The following DIDO1 variants were observed in gnomAD, a reference collection of about 807,000 sequenced individuals.
The protein encoded by DIDO1 is death-inducer obliterator 1.
Under a neutral mutation model 99.4 loss-of-function variants are expected in DIDO1, and 16 were observed. The ratio of observed to expected loss-of-function variants is 0.16; its 90% confidence interval spans 0.11 to 0.24. DIDO1 has a LOEUF of 0.24. Among genes scored for constraint, DIDO1 ranks in the 10% least tolerant of loss-of-function variants. The pLI is 1.00. For missense variants in DIDO1, 2,996 were observed against 3,014.0 expected (o/e 0.99, Z 0.14); for synonymous variants, 1,366 against 1,239.1 (o/e 1.10, Z -2.15).
chr20:62,887,976 G>A, intron 15 of DIDO1: 1 of 985,518 alleles, frequency 1.0e-6, no homozygotes, highest in Non-Finnish European at 1.2e-6. Flanking sequence ...AGATATGCAA[G>A]GACAAATGTC....
In DIDO1 at chr20:62,896,780, G is replaced by C; in HGVS notation, c.1805C>G (p.Ala602Gly). ...GTIPKRPWLS[A>G]TPSSGASAAR... ...AGCTGAAGCACCACTCGATGGGGTA[G>C]CGGAGAGCCATGGCCTCTTGGGGAT... is the stretch of plus-strand genomic sequence containing the variant. Residue 602 changes from alanine to glycine, a missense_variant, in exon 7 of 16, where the codon GCT becomes GGT. By Grantham distance (60) the Ala-to-Gly change is moderately conservative. Transcript: ENST00000395343. The surrounding 1 kb of genome is among the most constrained non-coding windows in gnomAD (Gnocchi z 4.4). 1 of 1,614,108 alleles carries C rather than the reference G, an allele frequency of 6.2e-7. No individual in the cohort carries two copies.
chr20:62,931,493 C>T (rs754227810), upstream of DIDO1, among the ~76,000 whole-genome samples: 11 of 152,260 alleles, frequency 7.2e-5, no homozygotes, highest in East Asian at 1.2e-3. Context: ...GCCAAAAAAA[C>T]GCTTGGACAG....
chr20:62,922,627 C>T (rs1377531149), intron 1 of DIDO1, among the ~76,000 whole-genome samples: 3 of 152,182 alleles, frequency 2.0e-5, no homozygotes, highest in African/African-American at 7.2e-5. Context: ...AACGACCTCA[C>T]AGCTTCCTAC....
chr20:62,883,858 A>T (rs2064252814), intron 15 of DIDO1, among the ~76,000 whole-genome samples: 2 of 151,922 alleles, frequency 1.3e-5, no homozygotes. Context: ...AACAAAAATT[A>T]GCCAGGCGTG....
In DIDO1 at chr20:62,882,022, A is replaced by C; in HGVS notation, c.3934T>G (p.Ser1312Ala). The change falls in exon 16 of 16, where the codon TCA becomes GCA. Residue 1312 changes from serine to alanine, a missense_variant. Physicochemically the swap from Ser to Ala is moderately conservative, Grantham distance 99. Around this residue, in one of 5 missense-constraint regions of DIDO1, gnomAD observed 1,562 missense variants for 1,412.6 expected, o/e 1.11. Transcript: ENST00000395343. ...STASSASKTA[S>A]PLEHILQTLF... ...GTCTGCAGGATGTGCTCCAGCGGTGATGCTGTTTTGGAAGCAGACGAAGCG... is the reference window on the plus strand; with the variant it reads ...GTCTGCAGGATGTGCTCCAGCGGTGCTGCTGTTTTGGAAGCAGACGAAGCG... 1 of 1,613,500 alleles carries C rather than the reference A, an allele frequency of 6.2e-7. No homozygotes were observed. Among genetic ancestry groups the C allele is most frequent in the Non-Finnish European group, 8.5e-7 (1 of 1,180,022 alleles).
chr20:62,887,452 A>G, intron 15 of DIDO1: 27 of 985,498 alleles, frequency 2.7e-5, no homozygotes, highest in Non-Finnish European at 3.3e-5. Flanking sequence ...AGAGCTTTCT[A>G]ATGTATAAAG....
chr20:62,925,863 A>G (rs1304102374), intron 1 of DIDO1, among the ~76,000 whole-genome samples: 1 of 152,198 alleles, frequency 6.6e-6, no homozygotes, highest in East Asian at 1.9e-4. Flanking sequence ...AGGTAAGGAC[A>G]CACTCTTCAG....
rs1306854880 is a variant in DIDO1 at position 62,881,414 on chromosome 20, G to C, written c.4542C>G (p.Phe1514Leu). ...GAGACATCAAGGCGTCCGACACCGAGAAGTGGGCCATGGAGACCCCGACGG... is the reference window on the plus strand; with the variant it reads ...GAGACATCAAGGCGTCCGACACCGACAAGTGGGCCATGGAGACCCCGACGG... ...RAAVGVSMAH[F>L]SVSDALMSPP... Residue 1514 changes from phenylalanine (F) to leucine (L), a missense_variant, in exon 16 of 16, where the codon TTC (phenylalanine) becomes TTG (leucine). Around this residue, in one of 5 missense-constraint regions of DIDO1, gnomAD observed 1,562 missense variants for 1,412.6 expected, o/e 1.11. Coordinates refer to ENST00000395343, the MANE Select transcript of DIDO1 (RefSeq NM_001193369.2). This position sits in a 1 kb window ranked among gnomAD's most constrained non-coding sequence, Gnocchi z 8.3. 3 of 1,607,784 alleles carry C rather than the reference G, an allele frequency of 1.9e-6. No individual in the cohort carries two copies. The highest frequency in any genetic ancestry group is 2.5e-6 in the Non-Finnish European group (3 of 1,179,980).
At chr20:62,922,910 TGA>T (rs1232119202) in intron 1 of DIDO1, among the ~76,000 whole-genome samples, 1 of 152,212 alleles carries the variant, frequency 6.6e-6, no homozygotes, top group Non-Finnish European at 1.5e-5. Context: ...CACTAACTTA[TGA>T]GTGTTTTTTT....
chr20:62,881,315 T>C lies in DIDO1; in HGVS notation c.4641A>G (p.Ser1547=), dbSNP rs778710472. 6.2e-7 allele frequency: 1 copy of C among 1,604,550 alleles called. No homozygotes were observed. Among genetic ancestry groups the C allele is most frequent in the South Asian group, 1.1e-5 (1 of 91,056 alleles). Residue 1547 remains serine (S), a synonymous_variant, in exon 16 of 16, where the codon TCA becomes TCG. Coordinates refer to ENST00000395343, the MANE Select transcript of DIDO1 (RefSeq NM_001193369.2). This position sits in a 1 kb window ranked among gnomAD's most constrained non-coding sequence, Gnocchi z 8.3. ...TTGACGCCTGGCTGGCGGGGGGCAGTGAGGCGGGCTTGTCTGCAGACTGCT... is the reference window on the plus strand; with the variant it reads ...TTGACGCCTGGCTGGCGGGGGGCAGCGAGGCGGGCTTGTCTGCAGACTGCT... ...QEQQSADKPA[S]LPPASQASNH...
rs749739950 is a variant in DIDO1, at chr20:62,910,811, C to T, written c.802G>A (p.Ala268Thr). 28 of 1,614,094 alleles carry T rather than the reference C, an allele frequency of 1.7e-5. 1 individual carries two copies. Among genetic ancestry groups the T allele is most frequent in the East Asian group, 1.6e-4 (7 of 44,890 alleles). ...KPECEGYDPN[A>T]LYCICRQPHN... Reference sequence around the variant, plus strand: ...GGCTGGCGGCAAATGCAATACAGGGCGTTGGGGTCGTAACCCTCACATTCA... The same window carrying T: ...GGCTGGCGGCAAATGCAATACAGGGTGTTGGGGTCGTAACCCTCACATTCA... Residue 268 changes from alanine to threonine, a missense_variant, in exon 3 of 16, where the codon GCC (alanine) becomes ACC (threonine). By Grantham distance (58) the Ala-to-Thr change is moderately conservative. This residue lies in a region of DIDO1 where 388 missense variants were observed against 376.6 expected (regional missense o/e 1.03). Coordinates refer to ENST00000395343, the MANE Select transcript of DIDO1 (RefSeq NM_001193369.2).
rs1193829394 is a variant in DIDO1 at position 62,880,141 on chromosome 20, C to T, written c.5815G>A (p.Gly1939Ser). 4 of 1,612,548 alleles carry T rather than the reference C, an allele frequency of 2.5e-6. 1 individual carries two copies. In the African/African-American group the frequency reaches 4.0e-5, roughly 16 times the overall value. Reference sequence around the variant, plus strand: ...CCTTCAAACTGGTTGGGATGAGGGCCCCGGGCAGTTTCAAACTGACTAGGA... The same window carrying T: ...CCTTCAAACTGGTTGGGATGAGGGCTCCGGGCAGTTTCAAACTGACTAGGA... Reference protein sequence around the residue: ...PHPSQFETARGPHPNQFEGPR... With the variant: ...PHPSQFETARSPHPNQFEGPR... The change falls in exon 16 of 16, where the codon GGC becomes AGC. Residue 1939 changes from glycine (G) to serine (S), a missense_variant. By Grantham distance (56) the Gly-to-Ser change is moderately conservative. Coordinates refer to ENST00000395343, the MANE Select transcript of DIDO1 (RefSeq NM_001193369.2).
At chr20:62,884,399 C>T (rs940728666) in intron 15 of DIDO1, among the ~76,000 whole-genome samples, 4 of 152,078 alleles carry the variant, frequency 2.6e-5, no homozygotes, top group African/African-American at 7.2e-5. Flanking sequence ...TCAGCGGCAG[C>T]GACGTAACAC....
chr20:62,893,566 G>A (rs945525078), intron 12 of DIDO1, 100 bp downstream of exon 12: 57 of 1,365,896 alleles, frequency 4.2e-5, no homozygotes, highest in Non-Finnish European at 5.5e-5. Flanking sequence ...TGTATTTCAG[G>A]TTACATTTCC....
In DIDO1 at chr20:62,896,517, G is replaced by A; in HGVS notation, c.2054+14C>T. ...TCCATTTTAATGGGTAAGAAATCAA[G>A]CAGAACAGCCCACCTTTTCCACAAA... is the stretch of plus-strand genomic sequence containing the variant. On this transcript the variant is annotated intron_variant, in intron 7 of 15. Transcript: ENST00000395343. This position sits in a 1 kb window ranked among gnomAD's most constrained non-coding sequence, Gnocchi z 4.4. The A allele has an allele frequency of 6.3e-7, 1 of 1,581,564 alleles. No homozygotes were observed.
intron 1 of DIDO1, among the ~76,000 whole-genome samples, chr20:62,916,226 G>T (rs2065035327): frequency 6.6e-6 from 1 of 152,154 alleles, no homozygotes. Flanking sequence ...TCCCCAGAAA[G>T]AAAAATGTGG....
intron 15 of DIDO1, 57 bp downstream of exon 15, chr20:62,890,903 G>T (rs1278552183): frequency 6.2e-7 from 1 of 1,611,968 alleles, no homozygotes; most frequent in African/African-American, 1.3e-5. Flanking sequence ...CATGTCAGTG[G>T]GAGGAGGGGT....
chr20:62,897,883 G>C (rs1055742532), intron 6 of DIDO1, among the ~76,000 whole-genome samples: 1 of 152,238 alleles, frequency 6.6e-6, no homozygotes, highest in African/African-American at 2.4e-5. Context: ...CAGGGATCCA[G>C]CTAGTGGAGC....
At chr20:62,912,502 A>AT (rs1157604815) in intron 2 of DIDO1, among the ~76,000 whole-genome samples, 18 of 147,664 alleles carry the variant, frequency 1.2e-4, no homozygotes, top group African/African-American at 2.3e-4. Context: ...AGGCCAGTAT[A>AT]TTTTTTTTTC....
Sources: gnomAD v4.1 joint callset for allele counts (sites outside exome capture counted in the v4.1 genomes callset) on GRCh38, gnomAD v4.1.1 for gene constraint, gnomAD v4.1.1 regional missense constraint, Gnocchi (gnomAD v3.1) non-coding constraint, MANE v1.5 for transcripts, NCBI Gene and HGNC (gene_info 2026-07-23, HGNC 2026-07-21) for gene names.